CD302: variants seen among roughly 807,000 people sequenced by gnomAD.
CD302 encodes CD302 antigen.
CD302 carries 23 observed loss-of-function variants against 26.5 expected under a neutral mutation model. That is an observed-to-expected ratio of 0.87 (90% CI 0.62 to 1.23). The LOEUF (loss-of-function observed/expected upper bound fraction) is 1.23, where lower values mean the gene tolerates loss of function less well. CD302 is among the 50% of genes most tolerant of loss of function. CD302 has a pLI of 0.00. For missense variants in CD302, 290 were observed against 275.5 expected (o/e 1.05, Z -0.37); for synonymous variants, 90 against 99.4 (o/e 0.91, Z 0.56).
Position 159,771,284 on chromosome 2 carries a change from A to C in CD302, c.*567T>G, listed in dbSNP as rs932816678. On this transcript the variant is annotated 3_prime_UTR_variant, in exon 6 of 6. Coordinates refer to ENST00000259053, the MANE Select transcript of CD302 (RefSeq NM_014880.5). ...CAAATAATTTATAAACATTCATTAA[A>C]ACTTGAGTCATTTGTGATAAAATGG... The C allele has an allele frequency of 2.0e-5, 3 of 152,672 alleles. No individual in the cohort carries two copies. Among genetic ancestry groups the C allele is most frequent in the Non-Finnish European group, 4.4e-5 (3 of 68,408 alleles). 9.5% of individuals were successfully genotyped at this position (152,672 alleles called of 1,614,324 possible).
At chr2:159,782,176 G>C (rs1268212882) in intron 2 of CD302, among the ~76,000 whole-genome samples, 6 of 151,984 alleles carry the variant, frequency 3.9e-5, no homozygotes, top group Non-Finnish European at 8.8e-5. Flanking sequence ...GCTGAGGCAG[G>C]AGAATCACTT....
At chr2:159,794,037 G>T (rs1401593057) in intron 1 of CD302, among the ~76,000 whole-genome samples, 2 of 150,304 alleles carry the variant, frequency 1.3e-5, no homozygotes, top group East Asian at 3.9e-4. Flanking sequence ...GAGGTAGGAG[G>T]ATCACTTGAG....
chr2:159,794,305 T>TA (rs10656353), intron 1 of CD302, among the ~76,000 whole-genome samples: 8,319 of 108,134 alleles, frequency 0.077, 784 homozygotes, highest in African/African-American at 0.2. Flanking sequence ...AATAAAATAA[T>TA]AAAAAAAAAA....
rs1473714793 is a variant in CD302, at chr2:159,771,193, T to TGTAA, written c.*654_*657dup. The TGTAA allele has an allele frequency of 3.3e-5, 5 of 152,420 alleles. No homozygotes were observed. Among genetic ancestry groups the TGTAA allele is most frequent in the East Asian group, 1.9e-4 (1 of 5,196 alleles). The allele number at this position is 152,420 out of a possible 1,614,324, so 9.4% of individuals were successfully genotyped here. ...AAATCCTTAAAGGGGCACTATAATA[T>TGTAA]GTAAGTGTTAACCTAATTGCCAGCT... On this transcript the variant is annotated 3_prime_UTR_variant, in exon 6 of 6. Coordinates refer to ENST00000259053, the MANE Select transcript of CD302 (RefSeq NM_014880.5).
At chr2:159,783,514 G>T in intron 1 of CD302, 45 bp from the exon 2 acceptor site, 2 of 1,424,676 alleles carry the variant, frequency 1.4e-6, no homozygotes, top group Non-Finnish European at 9.5e-7. Context: ...TTGAGAAAAA[G>T]AATTACATGA....
intron 1 of CD302, among the ~76,000 whole-genome samples, chr2:159,784,449 G>C (rs918839173): frequency 2.7e-5 from 4 of 146,224 alleles, no homozygotes; most frequent in Non-Finnish European, 4.5e-5. Context: ...TCTGCCTCCT[G>C]GGCTCAAGGG....
chr2:159,790,307 C>T (rs1708775273), intron 1 of CD302, among the ~76,000 whole-genome samples: 1 of 151,544 alleles, frequency 6.6e-6, no homozygotes, highest in Admixed American at 6.6e-5. Context: ...GTGAGCATTT[C>T]AAAAAGTAGG....
At chr2:159,779,027 C>T (rs533765460) in intron 4 of CD302, among the ~76,000 whole-genome samples, 108 of 151,742 alleles carry the variant, frequency 7.1e-4, no homozygotes, top group African/African-American at 2.4e-3. Context: ...GTCAGGAGTT[C>T]GAGACCAGCC....
intron 5 of CD302, among the ~76,000 whole-genome samples, chr2:159,772,731 C>CAG (rs1213215332): frequency 1.3e-5 from 2 of 152,128 alleles, no homozygotes; most frequent in African/African-American, 2.4e-5. Flanking sequence ...GAAAACTTTT[C>CAG]AGAATTATTT....
chr2:159,784,971 A>AAT (rs1477756603), intron 1 of CD302, among the ~76,000 whole-genome samples: 5 of 101,516 alleles, frequency 4.9e-5, no homozygotes, highest in Non-Finnish European at 1.0e-4. Context: ...ATCCGTACAG[A>AAT]CTTTTTTTTT....
At chr2:159,776,464 T>G (rs1355186658) in intron 5 of CD302, among the ~76,000 whole-genome samples, 1 of 152,094 alleles carries the variant, frequency 6.6e-6, no homozygotes, top group East Asian at 1.9e-4. Flanking sequence ...TAATTTTTTT[T>G]GAAGAACCAC....
Position 159,780,908 on chromosome 2 carries a change from A to G in CD302, c.269T>C (p.Leu90Pro), listed in dbSNP as rs755037680. 3.7e-6 allele frequency: 6 copies of G among 1,613,558 alleles called. No individual in the cohort carries two copies. Among genetic ancestry groups the G allele is most frequent in the South Asian group, 3.3e-5 (3 of 91,010 alleles). ...KKQWKGPDDI[L>P]LGMFYDTDDA... The stretch of plus-strand genomic sequence containing the variant: ...ATCTGTGTCATAAAACATGCCTAGT[A>G]GGATATCATCTGGGCCTTTCCATTG... The change falls in exon 3 of 6, where the codon CTA (leucine) becomes CCA (proline). Residue 90 changes from leucine (L) to proline (P), a missense_variant. By Grantham distance (98) the Leu-to-Pro change is moderately conservative. Coordinates refer to ENST00000259053, the MANE Select transcript of CD302 (RefSeq NM_014880.5).
chr2:159,771,734 G>C lies in CD302; in HGVS notation c.*117C>G, dbSNP rs1261563023. 3 of 1,170,410 alleles carry C rather than the reference G, an allele frequency of 2.6e-6. No individual in the cohort carries two copies. In the African/African-American group the frequency reaches 4.7e-5, roughly 18 times the overall value. The allele number at this position is 1,170,410 out of a possible 1,614,324, so 72.5% of individuals were successfully genotyped here. A position where few individuals can be genotyped will look rare whatever the true frequency, so the allele number is the denominator to read the frequency against. ...AGATGAGTACATAAAAATGTTACTG[G>C]AATAAGGAATACCATTAAAGCTCTA... On this transcript the variant is annotated 3_prime_UTR_variant, in exon 6 of 6. Coordinates refer to ENST00000259053, the MANE Select transcript of CD302 (RefSeq NM_014880.5).
chr2:159,783,267 AG>A, intron 2 of CD302, 91 bp downstream of exon 2: 1 of 1,046,204 alleles, frequency 9.6e-7, no homozygotes, highest in Non-Finnish European at 1.3e-6. Flanking sequence ...CCCAGTTAAA[AG>A]TCAGATGTGA....
rs1708167769 is a variant in CD302, at chr2:159,772,120, G to C, written c.497-67C>G. ...ACACAAGTTGCAAGTATATTTTGAT[G>C]AGCACAACTGTAGTTTTGTGTAAAC... On this transcript the variant is annotated intron_variant, in intron 5 of 5. Transcript: ENST00000259053. The C allele has an allele frequency of 1.3e-5, 19 of 1,513,760 alleles. No homozygotes were observed. In the South Asian group the frequency reaches 2.3e-4, roughly 18 times the overall value. 93.8% of individuals were successfully genotyped at this position (1,513,760 alleles called of 1,614,324 possible). A position where few individuals can be genotyped will look rare whatever the true frequency, so the allele number is the denominator to read the frequency against.
rs561317038 is a variant in CD302 at position 159,784,172 on chromosome 2, A to C, written c.68-703T>G. Reference sequence around the variant, plus strand: ...ATTGGTTAGTATTAAAAGCAAAAGTAACCCTGCAAGAGTTGATTTCACTGG... The same window carrying C: ...ATTGGTTAGTATTAAAAGCAAAAGTCACCCTGCAAGAGTTGATTTCACTGG... On this transcript the variant is annotated intron_variant, in intron 1 of 5. Coordinates refer to ENST00000259053, the MANE Select transcript of CD302 (RefSeq NM_014880.5). Among the ~76,000 whole-genome samples the C allele has an allele frequency of 2.2e-4, 33 of 152,284 alleles. 1 individual carries two copies. The South Asian group carries it at 6.6e-3, about 31-fold the overall frequency.
intron 5 of CD302, among the ~76,000 whole-genome samples, chr2:159,777,518 T>C (rs1271654341): frequency 1.3e-5 from 2 of 152,204 alleles, no homozygotes; most frequent in Admixed American, 6.5e-5. Context: ...TTCTAGAATA[T>C]ACTCAAAGAA....
At chr2:159,772,706 G>T (rs1014590792) in intron 5 of CD302, among the ~76,000 whole-genome samples, 1 of 152,106 alleles carries the variant, frequency 6.6e-6, no homozygotes, top group African/African-American at 2.4e-5. Flanking sequence ...TATAGTAATC[G>T]ACTCTAAAGA....
intron 5 of CD302, among the ~76,000 whole-genome samples, chr2:159,775,240 CAT>C (rs1708275821): frequency 1.3e-5 from 2 of 152,214 alleles, no homozygotes; most frequent in Non-Finnish European, 2.9e-5. Context: ...AAGCCTGACA[CAT>C]AGTGTTTACT....
Sources: gnomAD v4.1 joint callset for allele counts (sites outside exome capture counted in the v4.1 genomes callset) on GRCh38, gnomAD v4.1.1 for gene constraint, MANE v1.5 for transcripts, NCBI Gene and HGNC (gene_info 2026-07-23, HGNC 2026-07-21) for gene names.